The following ANO2 variants were observed in gnomAD, a reference collection of about 807,000 sequenced individuals.
ANO2 encodes the protein anoctamin 2, also known as anoctamin-2.
ANO2 carries 101 observed loss-of-function variants against 124.2 expected under a neutral mutation model. That is an observed-to-expected ratio of 0.81 (90% CI 0.69 to 0.96). The LOEUF (loss-of-function observed/expected upper bound fraction) is 0.96. Ranked by LOEUF, ANO2 falls within the 40% of genes least tolerant of loss-of-function variation. The pLI is 0.00. For synonymous variants in ANO2, 486 were observed against 482.5 expected, an observed-to-expected ratio of 1.01 and a Z score of -0.09; for missense variants, 1,293 against 1,274.5, an observed-to-expected ratio of 1.01 and a Z score of -0.22.
intron 16 of ANO2, among the ~76,000 whole-genome samples, chr12:5,623,094 G>A (rs922310138): frequency 3.9e-5 from 6 of 152,244 alleles, no homozygotes; most frequent in African/African-American, 1.4e-4. Context: ...CTGCATCTCA[G>A]GCCACTAGGC....
At chr12:5,625,215 C>CGG (rs1945336718) in intron 16 of ANO2, among the ~76,000 whole-genome samples, 1 of 151,922 alleles carries the variant, frequency 6.6e-6, no homozygotes, top group African/African-American at 2.4e-5. Context: ...GGCACAGAGA[C>CGG]AGAAGTGGAA....
chr12:5,806,205 C>T, intron 8 of ANO2, 112 bp from the exon 9 acceptor site: 1 of 1,132,794 alleles, frequency 8.8e-7, no homozygotes, highest in African/African-American at 1.6e-5. Context: ...TTTTTCATTC[C>T]CATTTAAGGA....
chr12:5,852,305 T>C (rs12322936), intron 4 of ANO2, among the ~76,000 whole-genome samples: 3,392 of 152,172 alleles, frequency 0.022, 114 homozygotes, highest in African/African-American at 0.077. Flanking sequence ...AACGCAGCAG[T>C]GCAATTGAAG....
rs1940828737 is a variant in ANO2, at chr12:5,908,311, CAGAA to C, written c.534+12725_534+12728del. ...GTAAGTTCCCTGGGCTGGAAGAGCC[CAGAA>C]AGAACGGATCAACAGCATGGGCTAA... is the stretch of plus-strand genomic sequence containing the variant. On this transcript the variant is annotated intron_variant, in intron 3 of 24. Transcript: ENST00000682330. This position sits in a 1 kb window ranked among gnomAD's most constrained non-coding sequence, Gnocchi z 4.7. Among the ~76,000 whole-genome samples, 1 of 152,222 alleles carries C rather than the reference CAGAA, an allele frequency of 6.6e-6. No individual in the cohort carries two copies. The highest frequency in any genetic ancestry group is 1.5e-5 in the Non-Finnish European group (1 of 68,040).
chr12:5,765,152 G>T (rs1032956681), intron 10 of ANO2, among the ~76,000 whole-genome samples: 1 of 152,160 alleles, frequency 6.6e-6, no homozygotes, highest in African/African-American at 2.4e-5. Context: ...GAAAGAAAAA[G>T]AATTATACCA....
intron 3 of ANO2, among the ~76,000 whole-genome samples, chr12:5,876,916 T>C (rs1481784608): frequency 6.6e-6 from 1 of 152,194 alleles, no homozygotes; most frequent in Non-Finnish European, 1.5e-5. Context: ...CCATGGCACA[T>C]GTATACCTAT....
chr12:5,640,859 T>C (rs538410056), intron 15 of ANO2, among the ~76,000 whole-genome samples: 51 of 152,334 alleles, frequency 3.3e-4, no homozygotes, highest in East Asian at 2.7e-3. Flanking sequence ...TTTGACCTAG[T>C]GATCCCACTA....
rs1367040022 is a variant in ANO2, at chr12:5,563,452, C to T, written c.2844G>A (p.Glu948=). The change falls in exon 25 of 25, where the codon GAG becomes GAA. Residue 948 remains glutamate (E), a synonymous_variant. Transcript: ENST00000682330. ...KSLLVDFFLK[E]EHEKLKLMDE... is the part of the protein sequence containing the mutation. ...CCATCAGCTTGAGCTTCTCATGCTC[C>T]TCTTTCAGGAAGAAATCCACTAATA... The T allele has an allele frequency of 6.2e-7, 1 of 1,613,928 alleles. No individual in the cohort carries two copies. The highest frequency in any genetic ancestry group is 1.7e-5 in the Admixed American group (1 of 60,034).
rs12310548 is a variant in ANO2, at chr12:5,837,626, G to A, written c.634-5023C>T. 6.9e-3 allele frequency among the ~76,000 whole-genome samples: 1,051 copies of A among 151,902 alleles called. 15 individuals carry two copies. Among genetic ancestry groups the A allele is most frequent in the African/African-American group, 0.024 (997 of 41,422 alleles). ...TTTACTGAGAATGATGGTACATGACGAAATGAAGGCAGAAATAAAGATGTT... is the reference window on the plus strand; with the variant it reads ...TTTACTGAGAATGATGGTACATGACAAAATGAAGGCAGAAATAAAGATGTT... On this transcript the variant is annotated intron_variant, in intron 4 of 24. Transcript: ENST00000682330.
At chr12:5,672,587 GTGTGTGTGTGTGCACATGCA>G (rs1316986733) in intron 14 of ANO2, among the ~76,000 whole-genome samples, 5 of 142,500 alleles carry the variant, frequency 3.5e-5, no homozygotes, top group Non-Finnish European at 3.2e-5. Context: ...GCTCGTGTGT[GTGTGTGTGTGTGCACATGCA>G]TGTGTGTGTG....
chr12:5,728,613 T>A (rs781304996), intron 14 of ANO2, among the ~76,000 whole-genome samples: 2 of 152,202 alleles, frequency 1.3e-5, no homozygotes, highest in Non-Finnish European at 2.9e-5. Flanking sequence ...AATCCCAGCT[T>A]GCTTTCTTAT....
At chr12:5,777,858 C>T (rs1054265476) in intron 10 of ANO2, among the ~76,000 whole-genome samples, 10 of 152,088 alleles carry the variant, frequency 6.6e-5, no homozygotes, top group African/African-American at 2.4e-4. Flanking sequence ...ATTTGGTCTG[C>T]CCAAGGGGAC....
chr12:5,880,857 T>TGG (rs1938442300), intron 3 of ANO2, among the ~76,000 whole-genome samples: 2 of 143,774 alleles, frequency 1.4e-5, no homozygotes, highest in South Asian at 2.3e-4. Flanking sequence ...GGTGGGTGGA[T>TGG]AGATGGATGA....
chr12:5,742,471 G>C (rs1470497139), intron 12 of ANO2, among the ~76,000 whole-genome samples: 1 of 152,176 alleles, frequency 6.6e-6, no homozygotes, highest in Non-Finnish European at 1.5e-5. Context: ...AAGACAGTGG[G>C]TCCAGGGGTA....
At chr12:5,605,303 G>C (rs1318455437) in intron 19 of ANO2, among the ~76,000 whole-genome samples, 3 of 152,118 alleles carry the variant, frequency 2.0e-5, no homozygotes, top group African/African-American at 7.2e-5. Context: ...CTCCCGTGTT[G>C]GCTTTAAAGA....
At chr12:5,584,602 A>T (rs117362946) in intron 20 of ANO2, among the ~76,000 whole-genome samples, 2,664 of 152,288 alleles carry the variant, frequency 0.017, 38 homozygotes, top group Non-Finnish European at 0.026. Flanking sequence ...CAGCAGGGGA[A>T]GGTCATAACT....
intron 15 of ANO2, among the ~76,000 whole-genome samples, chr12:5,638,398 G>A (rs1327329217): frequency 6.8e-6 from 1 of 147,046 alleles, no homozygotes; most frequent in Non-Finnish European, 1.5e-5. Flanking sequence ...ACCACTCCTG[G>A]CTAATTTTTT....
intron 7 of ANO2, among the ~76,000 whole-genome samples, chr12:5,816,327 T>TTA (rs1343665867): frequency 6.6e-6 from 1 of 151,498 alleles, no homozygotes; most frequent in Non-Finnish European, 1.5e-5. Context: ...ATTCCTCATT[T>TTA]TTTTTTTATC....
chr12:5,595,261 C>G (rs1943601950), intron 20 of ANO2, among the ~76,000 whole-genome samples: 2 of 152,126 alleles, frequency 1.3e-5, no homozygotes, highest in African/African-American at 4.8e-5. Context: ...TGTGCAGTGG[C>G]ACAATCATAG....
Sources: allele counts gnomAD v4.1 joint callset (sites outside exome capture counted in the v4.1 genomes callset), GRCh38; gene constraint gnomAD v4.1.1; non-coding constraint Gnocchi (gnomAD v3.1); transcripts MANE v1.5; gene names NCBI Gene and HGNC (gene_info 2026-07-23, HGNC 2026-07-21).